RAD9B: variants seen among roughly 807,000 people sequenced by gnomAD.
RAD9B encodes the protein RAD9 checkpoint clamp component B.
RAD9B carries 41 observed loss-of-function variants against 48.3 expected under a neutral mutation model. The observed-to-expected ratio is 0.85, with a 90% CI of 0.66 to 1.10. The LOEUF (loss-of-function observed/expected upper bound fraction) is 1.10, where lower values mean the gene tolerates loss of function less well. Ranked by LOEUF, RAD9B falls within the 50% of genes least tolerant of loss-of-function variation. The pLI, the probability that RAD9B is intolerant of heterozygous loss-of-function variation, is 0.00. For synonymous variants in RAD9B, 160 were observed against 157.9 expected (o/e 1.01, Z -0.10); for missense variants, 444 against 485.1 (o/e 0.92, Z 0.80).
chr12:110,528,598 C>A (rs538492825), intron 10 of RAD9B, among the ~76,000 whole-genome samples: 1 of 152,160 alleles, frequency 6.6e-6, no homozygotes, highest in African/African-American at 2.4e-5. Flanking sequence ...CAGGAGAGTG[C>A]GGCATGAGAA....
chr12:110,522,199 G>T lies in RAD9B; in HGVS notation c.913G>T (p.Ala305Ser). The change falls in exon 10 of 11, where the codon GCT becomes TCT. Residue 305 changes from alanine (A) to serine (S), a missense_variant. Physicochemically the swap from Ala to Ser is moderately conservative, Grantham distance 99. Coordinates refer to ENST00000409300, the MANE Select transcript of RAD9B (RefSeq NM_001286535.2). ...CAGGTCAGATCTGATTGAAAAAAAG[G>T]CTGGCAAAAATGTAACTGGCCAGGC... Reference protein sequence around the residue: ...RKRSDLIEKKAGKNVTGQALE... With the variant: ...RKRSDLIEKKSGKNVTGQALE... The T allele has an allele frequency of 1.3e-6, 2 of 1,591,090 alleles. No individual in the cohort carries two copies. Among genetic ancestry groups the T allele is most frequent in the Non-Finnish European group, 1.7e-6 (2 of 1,168,798 alleles).
intron 3 of RAD9B, among the ~76,000 whole-genome samples, chr12:110,506,029 C>T (rs1049793953): frequency 4.6e-5 from 7 of 152,046 alleles, no homozygotes; most frequent in Admixed American, 2.6e-4. Context: ...GGATTATAGG[C>T]GTGTGCCACC....
chr12:110,515,209 C>A, intron 6 of RAD9B, 53 bp downstream of exon 6: 1 of 873,136 alleles, frequency 1.1e-6, no homozygotes, highest in Non-Finnish European at 1.8e-6. Context: ...TCCTGTCTCT[C>A]GATTACTAAC....
chr12:110,519,243 AC>A (rs1162578258), intron 8 of RAD9B, among the ~76,000 whole-genome samples: 2 of 151,908 alleles, frequency 1.3e-5, no homozygotes, highest in Non-Finnish European at 2.9e-5. Context: ...AGCTGGGATT[AC>A]GGGCGTCTAC....
chr12:110,515,662 TAAAAGAA>T (rs1156803912), intron 6 of RAD9B, among the ~76,000 whole-genome samples: 45 of 152,052 alleles, frequency 3.0e-4, no homozygotes, highest in South Asian at 2.1e-4. Flanking sequence ...CTGTCTCAAA[TAAAAGAA>T]AAAAGAAAAT....
rs746075705 is a variant in RAD9B at position 110,532,412 on chromosome 12, A to G, written c.*1759A>G. Among the ~76,000 whole-genome samples, 6 of 152,226 alleles carry G rather than the reference A, an allele frequency of 3.9e-5. No homozygotes were observed. Among genetic ancestry groups the G allele is most frequent in the Non-Finnish European group, 8.8e-5 (6 of 68,040 alleles). The stretch of plus-strand genomic sequence containing the variant: ...CTGGATGCAGCATTGGACTATTATT[A>G]TAGTTAATACTGGCGGGGTGTAGTG... On this transcript the variant is annotated 3_prime_UTR_variant, in exon 11 of 11. Coordinates refer to ENST00000409300, the MANE Select transcript of RAD9B (RefSeq NM_001286535.2).
chr12:110,502,457 C>T (rs1233622308), intron 1 of RAD9B, 74 bp downstream of exon 1: 4 of 1,541,760 alleles, frequency 2.6e-6, no homozygotes, highest in Non-Finnish European at 3.5e-6. Context: ...CTACCATTGT[C>T]TAATTTTTCC....
In RAD9B at chr12:110,506,346, G is replaced by A. The variant is rs564546576; in HGVS notation, c.274-233G>A. 2.0e-5 allele frequency among the ~76,000 whole-genome samples: 3 copies of A among 151,924 alleles called. No homozygotes were observed. In the East Asian group the frequency reaches 5.8e-4, roughly 29 times the overall value. ...TGGGACTACAGGCGCCCGCCACTAC[G>A]CCTGGCTAATTTTTTCTATTTTTAG... On this transcript the variant is annotated intron_variant, in intron 3 of 10. Coordinates refer to ENST00000409300, the MANE Select transcript of RAD9B (RefSeq NM_001286535.2).
At chr12:110,523,042 G>A in intron 10 of RAD9B, among the ~76,000 whole-genome samples, 1 of 152,116 alleles carries the variant, frequency 6.6e-6, no homozygotes, top group Non-Finnish European at 1.5e-5. Context: ...TTAATGTTTT[G>A]TTCAAGCTTG....
chr12:110,502,333 G>A lies in RAD9B; in HGVS notation c.-5G>A, dbSNP rs1408742234. The A allele has an allele frequency of 6.2e-7, 1 of 1,613,258 alleles. No homozygotes were observed. Among genetic ancestry groups the A allele is most frequent in the Admixed American group, 1.7e-5 (1 of 59,906 alleles). ...CGCGCCTTCCGAGCCTGCTTTTTAG[G>A]GCGGATGGCAGCCATGCTGAAGTGC... On this transcript the variant is annotated 5_prime_UTR_variant, in exon 1 of 11. Transcript: ENST00000409300.
In RAD9B at chr12:110,515,101, T is replaced by G. The variant is rs2063568936; in HGVS notation, c.540T>G (p.Thr180=). The change falls in exon 6 of 11, where the codon ACT becomes ACG. Residue 180 remains threonine, a synonymous_variant. Coordinates refer to ENST00000409300, the MANE Select transcript of RAD9B (RefSeq NM_001286535.2). ...TTACATCAAGTCAAGAGGAAGTTAC[T>G]CTTGCTGTTACTCCACTGAATTTTT... ...VLFTSSQEEV[T]LAVTPLNFCL... is the part of the protein sequence containing the mutation. 1 of 1,557,150 alleles carries G rather than the reference T, an allele frequency of 6.4e-7. No homozygotes were observed.
chr12:110,505,403 G>C (rs954152623), intron 2 of RAD9B, among the ~76,000 whole-genome samples: 2 of 152,030 alleles, frequency 1.3e-5, no homozygotes, highest in African/African-American at 4.8e-5. Flanking sequence ...GACGTTTTCT[G>C]AATCAAGCTA....
chr12:110,506,117 C>G (rs2063255655), intron 3 of RAD9B, among the ~76,000 whole-genome samples: 1 of 151,926 alleles, frequency 6.6e-6, no homozygotes, highest in Non-Finnish European at 1.5e-5. Flanking sequence ...AACTCCTGAC[C>G]TCAAGTGATC....
At chr12:110,507,375 T>C (rs796421318) in intron 4 of RAD9B, among the ~76,000 whole-genome samples, 3 of 142,142 alleles carry the variant, frequency 2.1e-5, no homozygotes, top group Non-Finnish European at 3.1e-5. Context: ...TTATATATAA[T>C]ATATGTATTA....
intron 4 of RAD9B, among the ~76,000 whole-genome samples, chr12:110,512,438 C>T (rs760970507): frequency 4.6e-5 from 7 of 152,064 alleles, no homozygotes; most frequent in South Asian, 2.1e-4. Context: ...CATGAACCAC[C>T]GTGCCTGGCC....
At chr12:110,507,654 T>C (rs1197498929) in intron 4 of RAD9B, among the ~76,000 whole-genome samples, 1 of 147,810 alleles carries the variant, frequency 6.8e-6, no homozygotes, top group Non-Finnish European at 1.5e-5. Context: ...TATATACATA[T>C]ATATATTCAT....
intron 4 of RAD9B, chr12:110,511,675 A>G (rs943980721): frequency 4.9e-5 from 11 of 223,574 alleles, no homozygotes; most frequent in South Asian, 9.1e-5. Flanking sequence ...TAGGGTGACT[A>G]TAAGTTAGCA....
chr12:110,517,580 C>T (rs1398847886), intron 6 of RAD9B, among the ~76,000 whole-genome samples: 1 of 151,666 alleles, frequency 6.6e-6, no homozygotes, highest in Non-Finnish European at 1.5e-5. Flanking sequence ...GTCGAGATCA[C>T]ACCACTGGAC....
rs1437385790 is a variant in RAD9B at position 110,502,351 on chromosome 12, T to C, written c.14T>C (p.Leu5Pro). ...TTTTTAGGGCGGATGGCAGCCATGCTGAAGTGCGTGATGAGCGGCAGTCAG... is the reference window on the plus strand; with the variant it reads ...TTTTTAGGGCGGATGGCAGCCATGCCGAAGTGCGTGATGAGCGGCAGTCAG... Reference protein sequence around the residue: MAAMLKCVMSGSQVK... With the variant: MAAMPKCVMSGSQVK... The change falls in exon 1 of 11, where the codon CTG (leucine) becomes CCG (proline). Residue 5 changes from leucine (L) to proline (P), a missense_variant. Physicochemically the swap from Leu to Pro is moderately conservative, Grantham distance 98 (BLOSUM62 -3). Transcript: ENST00000409300. 1.9e-6 allele frequency: 3 copies of C among 1,613,592 alleles called. No individual in the cohort carries two copies. The highest frequency in any genetic ancestry group is 2.7e-5 in the African/African-American group (2 of 74,928).
Sources: allele counts gnomAD v4.1 joint callset (sites outside exome capture counted in the v4.1 genomes callset), GRCh38; gene constraint gnomAD v4.1.1; transcripts MANE v1.5; gene names NCBI Gene and HGNC (gene_info 2026-07-23, HGNC 2026-07-21).